The following SCN1A variants were observed in gnomAD, a reference collection of about 807,000 sequenced individuals.
SCN1A encodes sodium channel protein type 1 subunit alpha.
Under a neutral mutation model 193.7 loss-of-function variants are expected in SCN1A, and 13 were observed. The observed-to-expected ratio is 0.07, with a 90% CI of 0.04 to 0.11. The LOEUF (loss-of-function observed/expected upper bound fraction) is 0.11, where lower values mean the gene tolerates loss of function less well. Ranked by LOEUF, SCN1A falls within the 10% of genes least tolerant of loss-of-function variation. The probability of loss-of-function intolerance (pLI) is 1.00; values close to 1 mark genes in which losing one functional copy is unlikely to be tolerated. For missense variants in SCN1A, 1,432 were observed against 2,451.1 expected, an observed-to-expected ratio of 0.58 and a Z score of 8.78; for synonymous variants, 781 against 843.6, an observed-to-expected ratio of 0.93 and a Z score of 1.29.
intron 2 of SCN1A, among the ~76,000 whole-genome samples, chr2:166,087,165 GA>G (rs535216262): frequency 0.037 from 4,619 of 124,542 alleles, 82 homozygotes; most frequent in South Asian, 0.089. Context: ...AGAACTGGTT[GA>G]AAAAAAAAAA....
chr2:165,995,846 T>TG (rs1018774453), intron 27 of SCN1A, among the ~76,000 whole-genome samples, 167 bp downstream of exon 27: 11 of 151,738 alleles, frequency 7.2e-5, no homozygotes, highest in Admixed American at 4.6e-4. Flanking sequence ...TTTAATTTTT[T>TG]TTGTTGTTAC....
chr2:166,086,605 T>C (rs1686146541), intron 2 of SCN1A, among the ~76,000 whole-genome samples: 1 of 152,336 alleles, frequency 6.6e-6, no homozygotes, highest in Admixed American at 6.5e-5. Context: ...TTCTGGCTTC[T>C]GGCTGGAAGT....
At chr2:166,145,753 C>T (rs1180731410) in intron 1 of SCN1A, among the ~76,000 whole-genome samples, 2 of 152,132 alleles carry the variant, frequency 1.3e-5, no homozygotes, top group East Asian at 1.9e-4. Flanking sequence ...TTCCAACAGC[C>T]TATGATTTTA....
chr2:166,004,796 C>A (rs1455869181), intron 23 of SCN1A, among the ~76,000 whole-genome samples: 1 of 151,026 alleles, frequency 6.6e-6, no homozygotes, highest in Non-Finnish European at 1.5e-5. Context: ...AATAGCTCCT[C>A]TTCTGAAATA....
chr2:166,072,833 C>CTTT (rs1684579562), intron 4 of SCN1A, among the ~76,000 whole-genome samples: 1 of 125,226 alleles, frequency 8.0e-6, no homozygotes. Context: ...ACCCTCTCTT[C>CTTT]TTTCTTTTTT....
In SCN1A at chr2:166,036,479, G is replaced by T. The variant is rs1273879323; in HGVS notation, c.2998C>A (p.Leu1000Ile). Reference sequence around the variant, plus strand: ...TCATTATCATCATCAGTGGCTGCAAGGTTGTCTGCACTAAATGAGCTCAGA... The same window carrying T: ...TCATTATCATCATCAGTGGCTGCAATGTTGTCTGCACTAAATGAGCTCAGA... ...LLLSSFSADN[L>I]AATDDDNEMN... The change falls in exon 19 of 29, where the codon CTT becomes ATT. Residue 1000 changes from leucine to isoleucine, a missense_variant. This residue lies in a region of SCN1A where 13 missense variants were observed against 20.6 expected (regional missense o/e 0.63). Coordinates refer to ENST00000674923, the MANE Select transcript of SCN1A (RefSeq NM_001165963.4). 2 of 1,612,106 alleles carry T rather than the reference G, an allele frequency of 1.2e-6. No individual in the cohort carries two copies. The highest frequency in any genetic ancestry group is 1.1e-5 in the South Asian group (1 of 90,480).
intron 27 of SCN1A, among the ~76,000 whole-genome samples, chr2:165,994,941 A>G (rs1312659266): frequency 2.0e-5 from 3 of 151,966 alleles, no homozygotes; most frequent in African/African-American, 7.2e-5. Flanking sequence ...CAATACTCAT[A>G]TTCTTCTACC....
intron 5 of SCN1A, among the ~76,000 whole-genome samples, chr2:166,057,882 C>T (rs549747270): frequency 1.3e-5 from 2 of 152,110 alleles, no homozygotes; most frequent in African/African-American, 2.4e-5. Context: ...TCCTTTTTAA[C>T]ACCAATGGGA....
chr2:166,022,059 C>T (rs1332078247), intron 19 of SCN1A, among the ~76,000 whole-genome samples: 1 of 151,808 alleles, frequency 6.6e-6, no homozygotes, highest in African/African-American at 2.4e-5. Flanking sequence ...GATCCCATTT[C>T]TAAAATAAAT....
intron 1 of SCN1A, among the ~76,000 whole-genome samples, chr2:166,146,522 A>T (rs1361626073): frequency 6.6e-6 from 1 of 152,186 alleles, no homozygotes; most frequent in Non-Finnish European, 1.5e-5. Flanking sequence ...TGGTCATCAC[A>T]ACTGAGGGTT....
chr2:166,135,768 T>A (rs1691832133), intron 1 of SCN1A, among the ~76,000 whole-genome samples: 1 of 152,278 alleles, frequency 6.6e-6, no homozygotes, highest in Admixed American at 6.5e-5. Context: ...CAGAAAATAA[T>A]GACATTTAGC....
At chr2:166,072,437 G>T (rs978311398) in intron 4 of SCN1A, among the ~76,000 whole-genome samples, 3 of 152,062 alleles carry the variant, frequency 2.0e-5, no homozygotes, top group African/African-American at 2.4e-5. Context: ...TTGTTTATAG[G>T]TTCTTCAGGT....
At chr2:166,140,970 A>G (rs1481216963) in intron 1 of SCN1A, among the ~76,000 whole-genome samples, 1 of 152,146 alleles carries the variant, frequency 6.6e-6, no homozygotes, top group Non-Finnish European at 1.5e-5. Context: ...CTAAATAAGA[A>G]AGTGCATTTT....
At chr2:166,014,949 T>C (rs900695786) in intron 20 of SCN1A, among the ~76,000 whole-genome samples, 1 of 151,778 alleles carries the variant, frequency 6.6e-6, no homozygotes, top group Non-Finnish European at 1.5e-5. Context: ...TTAAGTGATA[T>C]GCATGATTTG....
At chr2:166,143,320 C>T (rs1022060709) in intron 1 of SCN1A, among the ~76,000 whole-genome samples, 29 of 151,958 alleles carry the variant, frequency 1.9e-4, no homozygotes, top group Non-Finnish European at 3.4e-4. Context: ...GCGCCTGCCA[C>T]CACGCCCGGC....
At chr2:166,071,308 G>A (rs372912288) in intron 4 of SCN1A, among the ~76,000 whole-genome samples, 4 of 152,094 alleles carry the variant, frequency 2.6e-5, no homozygotes, top group African/African-American at 7.2e-5. Context: ...AAATAATAAA[G>A]TGCAACTTTT....
chr2:166,070,536 A>C (rs913518067), intron 4 of SCN1A, among the ~76,000 whole-genome samples: 7 of 152,222 alleles, frequency 4.6e-5, no homozygotes, highest in Non-Finnish European at 1.5e-5. Context: ...AAAGTTTATA[A>C]GGGTTTCCTC....
chr2:166,135,182 C>T (rs1199422843), intron 1 of SCN1A, among the ~76,000 whole-genome samples: 3 of 152,068 alleles, frequency 2.0e-5, no homozygotes, highest in Admixed American at 6.6e-5. Flanking sequence ...CTTATTGGAA[C>T]TCGAATACCA....
chr2:166,035,081 A>G (rs1308930110), intron 19 of SCN1A, among the ~76,000 whole-genome samples: 4 of 152,162 alleles, frequency 2.6e-5, no homozygotes, highest in African/African-American at 9.7e-5. Context: ...AGCTACAAGA[A>G]TATTTCTTGT....
Sources: gnomAD v4.1 joint callset for allele counts (sites outside exome capture counted in the v4.1 genomes callset) on GRCh38, gnomAD v4.1.1 for gene constraint, gnomAD v4.1.1 regional missense constraint, MANE v1.5 for transcripts, NCBI Gene and HGNC (gene_info 2026-07-23, HGNC 2026-07-21) for gene names.